The following FRMPD2 variants were observed in gnomAD, a reference collection of about 807,000 sequenced individuals.
The protein encoded by FRMPD2 is FERM and PDZ domain-containing protein 2.
A neutral mutation model predicts 140.1 loss-of-function variants in FRMPD2; 96 were observed. That is an observed-to-expected ratio of 0.69 (90% CI 0.58 to 0.81). The LOEUF is 0.81. FRMPD2 is among the 40% of genes least tolerant of loss of function. The pLI is 0.00. For missense variants in FRMPD2, 1,240 were observed against 1,447.4 expected, an observed-to-expected ratio of 0.86 and a Z score of 2.32; for synonymous variants, 449 against 547.6, an observed-to-expected ratio of 0.82 and a Z score of 2.52.
chr10:48,206,818 T>C lies in FRMPD2; in HGVS notation c.1727A>G (p.Glu576Gly). ...TGCAATTCTGCTGTTGTTTTTCACT[T>C]CATAGACTATGACACCCTTGGCACA... ...GICAKGVIVYEVKNNSRIAML... is the reference protein window; with the variant it reads ...GICAKGVIVYGVKNNSRIAML... The change falls in exon 14 of 29, where the codon GAA becomes GGA. Residue 576 changes from glutamate to glycine, a missense_variant. Around this residue, in one of 6 missense-constraint regions of FRMPD2, gnomAD observed 1,161 missense variants for 1,055.9 expected, o/e 1.10. Coordinates refer to ENST00000374201, the MANE Select transcript of FRMPD2 (RefSeq NM_001018071.4). 6.2e-7 allele frequency: 1 copy of C among 1,614,156 alleles called. No individual in the cohort carries two copies. The highest frequency in any genetic ancestry group is 8.5e-7 in the Non-Finnish European group (1 of 1,179,966).
At chr10:48,220,245 G>A (rs1316395306) in intron 12 of FRMPD2, among the ~76,000 whole-genome samples, 1 of 152,164 alleles carries the variant, frequency 6.6e-6, no homozygotes. Flanking sequence ...TAGGCATATA[G>A]ACCAATGGAA....
At position 48,173,139 on chromosome 10, in the gene FRMPD2, C is replaced by T. The variant is rs200649001; in HGVS notation, c.3076-46G>A. On this transcript the variant is annotated intron_variant, in intron 24 of 28. Transcript: ENST00000374201. ...ACTCAGTTTACACTTCATATGGCAA[C>T]CAGGAGGCACTCCCTTGACTCTGCA... is the stretch of plus-strand genomic sequence containing the variant. 1.2e-3 allele frequency: 842 copies of T among 677,412 alleles called. 21 individuals are homozygous for T. The highest frequency in any genetic ancestry group is 2.0e-3 in the Non-Finnish European group (717 of 366,810). 42.0% of individuals were successfully genotyped at this position (677,412 alleles called of 1,614,324 possible).
Position 48,201,399 on chromosome 10 carries a change from C to T in FRMPD2, c.1798-15G>A. 3 of 1,612,250 alleles carry T rather than the reference C, an allele frequency of 1.9e-6. No homozygotes were observed. Among genetic ancestry groups the T allele is most frequent in the Non-Finnish European group, 2.5e-6 (3 of 1,178,856 alleles). ...AACTTTTTTTGCTGAAGGAAGCAAA[C>T]ACAGACTTTAATACACTGATCATCC... On this transcript the variant is annotated splice_polypyrimidine_tract_variant and intron_variant, in intron 14 of 28. Transcript: ENST00000374201.
intron 22 of FRMPD2, among the ~76,000 whole-genome samples, chr10:48,176,568 G>A (rs1366961732): frequency 1.3e-5 from 2 of 151,210 alleles, no homozygotes; most frequent in Admixed American, 1.3e-4. Flanking sequence ...TTGGATTTGA[G>A]TGAGACATTT....
At chr10:48,213,518 C>T (rs1413955490) in intron 12 of FRMPD2, among the ~76,000 whole-genome samples, 1 of 152,230 alleles carries the variant, frequency 6.6e-6, no homozygotes, top group Non-Finnish European at 1.5e-5. Flanking sequence ...CACACAAAAA[C>T]CTGCACACAG....
chr10:48,199,288 A>AAC (rs1447443990), intron 15 of FRMPD2, among the ~76,000 whole-genome samples: 5 of 151,198 alleles, frequency 3.3e-5, no homozygotes, highest in South Asian at 2.1e-4. Context: ...AAAAAAAAAA[A>AAC]CCCTACTCTA....
chr10:48,212,076 C>G lies in FRMPD2; in HGVS notation c.1489G>C (p.Asp497His). 6.2e-7 allele frequency: 1 copy of G among 1,614,074 alleles called. No individual in the cohort carries two copies. ...VESKPYFHVE[D>H]YIPASLIERM... ...TCGATCAGACTCGCTGGGATGTAAT[C>G]TTCAACGTGAAAGTATGGCTTACTC... The change falls in exon 13 of 29, where the codon GAT becomes CAT. Residue 497 changes from aspartate to histidine, a missense_variant. Physicochemically the swap from Asp to His is moderately conservative, Grantham distance 81 (BLOSUM62 -1). Around this residue, in one of 6 missense-constraint regions of FRMPD2, gnomAD observed 1,161 missense variants for 1,055.9 expected, o/e 1.10. Transcript: ENST00000374201.
intron 14 of FRMPD2, among the ~76,000 whole-genome samples, chr10:48,202,543 A>G (rs897570353): frequency 1.3e-5 from 2 of 152,234 alleles, no homozygotes; most frequent in African/African-American, 4.8e-5. Flanking sequence ...GCTAATAGGA[A>G]TGGATTCTGA....
intron 27 of FRMPD2, among the ~76,000 whole-genome samples, chr10:48,166,552 C>G (rs1838104833): frequency 8.2e-6 from 1 of 122,006 alleles, no homozygotes; most frequent in East Asian, 2.3e-4. Context: ...CTCCAGGGTC[C>G]CTGCCACCTC....
At position 48,222,401 on chromosome 10, in the gene FRMPD2, A is replaced by G; in HGVS notation, c.1367T>C (p.Leu456Pro). Residue 456 changes from leucine (L) to proline (P), a missense_variant, in exon 12 of 29, where the codon CTG becomes CCG. Leu to Pro is a moderately conservative substitution (Grantham distance 98). Around this residue, in one of 6 missense-constraint regions of FRMPD2, gnomAD observed 1,161 missense variants for 1,055.9 expected, o/e 1.10. Transcript: ENST00000374201. Reference protein sequence around the residue: ...QFYLQLRKDILEERLYCNEEI... With the variant: ...QFYLQLRKDIPEERLYCNEEI... ...TTCATTGCAGTACAGCCTCTCCTCC[A>G]GGATATCTTTCCGAAGCTGCAGGTA... is the stretch of plus-strand genomic sequence containing the variant. The G allele has an allele frequency of 6.2e-7, 1 of 1,614,192 alleles. No individual in the cohort carries two copies.
intron 15 of FRMPD2, among the ~76,000 whole-genome samples, chr10:48,197,521 A>G (rs183547807): frequency 6.6e-6 from 1 of 152,300 alleles, no homozygotes; most frequent in East Asian, 1.9e-4. Context: ...TGAAGCTTAT[A>G]TGTACATTTA....
intron 10 of FRMPD2, among the ~76,000 whole-genome samples, chr10:48,224,522 C>T (rs889907627): frequency 1.3e-5 from 2 of 152,198 alleles, no homozygotes; most frequent in African/African-American, 4.8e-5. Flanking sequence ...TCCCCTCTGC[C>T]ACCTGCCTCT....
intron 12 of FRMPD2, among the ~76,000 whole-genome samples, chr10:48,213,554 T>C (rs367891694): frequency 7.2e-5 from 11 of 152,334 alleles, no homozygotes; most frequent in African/African-American, 2.6e-4. Flanking sequence ...TTATTCATAA[T>C]TGCCAAAACT....
chr10:48,233,317 T>C (rs1342398950), intron 9 of FRMPD2, among the ~76,000 whole-genome samples: 2 of 152,200 alleles, frequency 1.3e-5, no homozygotes, highest in African/African-American at 4.8e-5. Flanking sequence ...GCATACTCCA[T>C]GCCACCTTGG....
chr10:48,251,775 A>T, intron 1 of FRMPD2, 84 bp from the exon 2 acceptor site: 1 of 1,551,834 alleles, frequency 6.4e-7, no homozygotes, highest in South Asian at 1.2e-5. Context: ...TGGTGCAGCC[A>T]GGCATGGTCT....
rs111256007 is a variant in FRMPD2 at position 48,269,498 on chromosome 10, C to T, written c.25+5045G>A. 6.4e-3 allele frequency among the ~76,000 whole-genome samples: 968 copies of T among 152,294 alleles called. 11 individuals carry two copies. The highest frequency in any genetic ancestry group is 0.021 in the African/African-American group (891 of 41,558). Reference sequence around the variant, plus strand: ...CCTTCAGAGGGATGCAGAAGCTGAACAGGCCTGAGAGTTCCCCCTTCACGG... The same window carrying T: ...CCTTCAGAGGGATGCAGAAGCTGAATAGGCCTGAGAGTTCCCCCTTCACGG... On this transcript the variant is annotated intron_variant, in intron 1 of 28. Transcript: ENST00000374201.
At chr10:48,252,673 C>A (rs1195704182) in intron 1 of FRMPD2, among the ~76,000 whole-genome samples, 1 of 152,188 alleles carries the variant, frequency 6.6e-6, no homozygotes, top group East Asian at 1.9e-4. Flanking sequence ...GCTACCTCTC[C>A]CTGGGGCAGA....
chr10:48,212,498 C>T (rs1839351872), intron 12 of FRMPD2, among the ~76,000 whole-genome samples: 2 of 152,144 alleles, frequency 1.3e-5, no homozygotes, highest in Admixed American at 6.5e-5. Flanking sequence ...GATGTGTTCA[C>T]CTCAAACCCT....
chr10:48,204,024 A>G (rs1334294408), intron 14 of FRMPD2, among the ~76,000 whole-genome samples: 1 of 152,164 alleles, frequency 6.6e-6, no homozygotes, highest in Non-Finnish European at 1.5e-5. Context: ...TAGCCATCCC[A>G]GAATACTCCT....
Sources: allele counts gnomAD v4.1 joint callset (sites outside exome capture counted in the v4.1 genomes callset), GRCh38; gene constraint gnomAD v4.1.1; regional missense constraint gnomAD v4.1.1; transcripts MANE v1.5; gene names NCBI Gene and HGNC (gene_info 2026-07-23, HGNC 2026-07-21).